SKP1: variants seen among roughly 807,000 people sequenced by gnomAD.
SKP1 encodes the protein S-phase kinase-associated protein 1.
A neutral mutation model predicts 21.5 loss-of-function variants in SKP1; 1 was observed. The ratio of observed to expected loss-of-function variants is 0.05; its 90% CI spans 0.02 to 0.22. The LOEUF is 0.22. Among genes scored for constraint, SKP1 ranks in the 10% least tolerant of loss-of-function variants. SKP1 has a pLI of 1.00. For missense variants in SKP1, 70 were observed against 192.0 expected (o/e 0.36, Z 3.76); for synonymous variants, 59 against 59.3 (o/e 0.99, Z 0.03).
intron 1 of SKP1, among the ~76,000 whole-genome samples, chr5:134,175,734 C>T (rs1030336853): frequency 1.3e-5 from 2 of 152,158 alleles, no homozygotes; most frequent in African/African-American, 4.8e-5. Flanking sequence ...TAATTCGATG[C>T]ACTTGGTAAT....
chr5:134,160,925 TA>T, intron 4 of SKP1, 61 bp downstream of exon 4: 1 of 1,184,634 alleles, frequency 8.4e-7, no homozygotes, highest in Admixed American at 2.4e-5. Context: ...TTAGCAAATT[TA>T]AATCTATAAG....
In SKP1 at chr5:134,167,984, A is replaced by C. The variant is rs183851473; in HGVS notation, c.98-741T>G. 4.4e-4 allele frequency among the ~76,000 whole-genome samples: 67 copies of C among 152,374 alleles called. No individual in the cohort carries two copies. The East Asian group carries it at 0.011, about 25-fold the overall frequency. On this transcript the variant is annotated intron_variant, in intron 2 of 5. Coordinates refer to ENST00000353411, the MANE Select transcript of SKP1 (RefSeq NM_170679.3). ...ATACCAAGGGACGACTATAACTTAT[A>C]AGACATGTCTGAAAGAATATAAAAA...
intron 3 of SKP1, among the ~76,000 whole-genome samples, chr5:134,165,585 CAA>C (rs10707716): frequency 0.011 from 1,030 of 97,624 alleles, 10 homozygotes; most frequent in African/African-American, 0.022. Flanking sequence ...GTGTCTGTCT[CAA>C]AAAAAAAAAA....
intron 3 of SKP1, among the ~76,000 whole-genome samples, chr5:134,166,378 C>A (rs1369731946): frequency 6.6e-6 from 1 of 151,222 alleles, no homozygotes; most frequent in African/African-American, 2.4e-5. Context: ...GTCAAGAGAT[C>A]AAAACCATCC....
chr5:134,171,900 C>T (rs1200738904), intron 2 of SKP1, among the ~76,000 whole-genome samples: 2 of 152,110 alleles, frequency 1.3e-5, no homozygotes, highest in African/African-American at 4.8e-5. Flanking sequence ...CAAAATTTGC[C>T]TCGCATGGTG....
intron 4 of SKP1, among the ~76,000 whole-genome samples, chr5:134,159,074 C>T (rs1471219851): frequency 6.6e-6 from 1 of 152,136 alleles, no homozygotes; most frequent in East Asian, 1.9e-4. Flanking sequence ...TAGTTAATTT[C>T]ATCTTTTACT....
intron 2 of SKP1, among the ~76,000 whole-genome samples, chr5:134,168,535 G>T (rs1470357605): frequency 6.6e-6 from 1 of 152,238 alleles, no homozygotes; most frequent in East Asian, 1.9e-4. Context: ...GATATATGAG[G>T]AACAGTTAAC....
chr5:134,173,728 A>C lies in SKP1; in HGVS notation c.97+198T>G, dbSNP rs765288914. Reference sequence around the variant, plus strand: ...TATGATTTTATCCATTTAATGAGAGAACGACCCTCACTAATTCAGACAATG... The same window carrying C: ...TATGATTTTATCCATTTAATGAGAGCACGACCCTCACTAATTCAGACAATG... On this transcript the variant is annotated intron_variant, in intron 2 of 5. Transcript: ENST00000353411. 31 of 672,608 alleles carry C rather than the reference A, an allele frequency of 4.6e-5. No individual in the cohort carries two copies. The Middle Eastern group carries it at 9.7e-4, about 21-fold the overall frequency. 41.7% of individuals were successfully genotyped at this position (672,608 alleles called of 1,614,324 possible). A position where few individuals can be genotyped will look rare whatever the true frequency, so the allele number is the denominator to read the frequency against.
At chr5:134,171,794 C>T (rs1205198377) in intron 2 of SKP1, among the ~76,000 whole-genome samples, 2 of 152,162 alleles carry the variant, frequency 1.3e-5, no homozygotes, top group African/African-American at 4.8e-5. Flanking sequence ...CCTGTAATTC[C>T]AGCACTTTGG....
At chr5:134,170,909 C>T (rs950804839) in intron 2 of SKP1, 25 of 416,672 alleles carry the variant, frequency 6.0e-5, no homozygotes, top group Middle Eastern at 6.9e-4. Flanking sequence ...GGCAGCAATT[C>T]GGGTATCAGT....
At position 134,174,037 on chromosome 5, in the gene SKP1, C is replaced by T. The variant is rs1159558525; in HGVS notation, c.1-15G>A. 4 of 1,467,452 alleles carry T rather than the reference C, an allele frequency of 2.7e-6. No homozygotes were observed. The highest frequency in any genetic ancestry group is 3.8e-6 in the Non-Finnish European group (4 of 1,046,292). The allele number at this position is 1,467,452 out of a possible 1,614,324, so 90.9% of individuals were successfully genotyped here. ...ATTGAAGGCATCTAAAAAAAAAGGA[C>T]ATTAAATATAAAATTTAAGAGAGAG... On this transcript the variant is annotated splice_polypyrimidine_tract_variant and intron_variant, in intron 1 of 5. Coordinates refer to ENST00000353411, the MANE Select transcript of SKP1 (RefSeq NM_170679.3).
intron 3 of SKP1, chr5:134,161,996 A>G (rs891800420): frequency 5.3e-5 from 8 of 152,128 alleles, no homozygotes; most frequent in Non-Finnish European, 8.8e-5. Context: ...TTCATAGCAA[A>G]ATGTTGGAGG....
intron 2 of SKP1, among the ~76,000 whole-genome samples, chr5:134,168,571 A>T (rs1206223112): frequency 6.6e-6 from 1 of 152,234 alleles, no homozygotes; most frequent in Non-Finnish European, 1.5e-5. Flanking sequence ...GAAGTTAAAG[A>T]ACATGGGTTA....
At chr5:134,160,873 A>C in intron 4 of SKP1, 114 bp downstream of exon 4, 3 of 686,762 alleles carry the variant, frequency 4.4e-6, no homozygotes. Flanking sequence ...ATATGGCGTT[A>C]CATTTGAATT....
chr5:134,151,079 G>A lies in SKP1; in HGVS notation c.*6654C>T, dbSNP rs1761035734. The A allele has an allele frequency of 6.6e-6, 1 of 152,220 alleles. No individual in the cohort carries two copies. The highest frequency in any genetic ancestry group is 1.5e-5 in the Non-Finnish European group (1 of 68,058). The allele number at this position is 152,220 out of a possible 1,614,324, so 9.4% of individuals were successfully genotyped here. A position where few individuals can be genotyped will look rare whatever the true frequency, so the allele number is the denominator to read the frequency against. The stretch of plus-strand genomic sequence containing the variant: ...TCACAAGTTAGGTCACTATTGGTAA[G>A]GGATGTTTCACTTCTGAAGACAAGA... On this transcript the variant is annotated 3_prime_UTR_variant, in exon 6 of 6. Transcript: ENST00000353411.
At chr5:134,158,776 T>C (rs138045806) in intron 4 of SKP1, 181 bp from the exon 5 acceptor site, 5 of 630,158 alleles carry the variant, frequency 7.9e-6, no homozygotes, top group African/African-American at 7.3e-5. Flanking sequence ...TTCTTTGTTA[T>C]ACCTCTATAA....
intron 2 of SKP1, among the ~76,000 whole-genome samples, chr5:134,167,528 GTTTTT>G (rs200685045): frequency 6.9e-6 from 1 of 145,852 alleles, no homozygotes; most frequent in African/African-American, 2.5e-5. Flanking sequence ...CTAGAGAGGG[GTTTTT>G]TTTTTTTGAG....
rs1160729040 is a variant in SKP1 at position 134,151,691 on chromosome 5, G to A, written c.*6042C>T. 1 of 456,196 alleles carries A rather than the reference G, an allele frequency of 2.2e-6. No individual in the cohort carries two copies. The highest frequency in any genetic ancestry group is 2.3e-5 in the Admixed American group (1 of 42,580). The allele number at this position is 456,196 out of a possible 1,614,324, so 28.3% of individuals were successfully genotyped here. A position where few individuals can be genotyped will look rare whatever the true frequency, so the allele number is the denominator to read the frequency against. On this transcript the variant is annotated 3_prime_UTR_variant, in exon 6 of 6. Transcript: ENST00000353411. ...GTTGACAGATATCAGAAGGTCGCAA[G>A]AACTACAGATGTGGAAGCAGACACT...
intron 3 of SKP1, among the ~76,000 whole-genome samples, chr5:134,162,572 AT>A (rs1236345867): frequency 2.6e-5 from 4 of 151,136 alleles, no homozygotes; most frequent in Non-Finnish European, 5.9e-5. Flanking sequence ...CACCCAGCTA[AT>A]TTTTTTTTAT....
Sources: allele counts gnomAD v4.1 joint callset (sites outside exome capture counted in the v4.1 genomes callset), GRCh38; gene constraint gnomAD v4.1.1; transcripts MANE v1.5; gene names NCBI Gene and HGNC (gene_info 2026-07-23, HGNC 2026-07-21).